The following ANKAR variants were observed in gnomAD, a reference collection of about 807,000 sequenced individuals.
ANKAR encodes ankyrin and armadillo repeat-containing protein.
In ANKAR, 136 loss-of-function variants were observed where a neutral mutation model predicts 146.2. The observed-to-expected ratio is 0.93, with a 90% CI of 0.81 to 1.07. The LOEUF (loss-of-function observed/expected upper bound fraction) is 1.07, where lower values mean the gene tolerates loss of function less well. Among genes scored for constraint, ANKAR ranks in the 50% least tolerant of loss-of-function variants. The pLI is 0.00. For synonymous variants in ANKAR, 500 were observed against 575.8 expected (o/e 0.87, Z 1.88); for missense variants, 1,567 against 1,679.9 (o/e 0.93, Z 1.18).
intron 7 of ANKAR, among the ~76,000 whole-genome samples, chr2:189,703,542 G>T (rs1439570904): frequency 6.6e-6 from 1 of 152,090 alleles, no homozygotes; most frequent in Non-Finnish European, 1.5e-5. Context: ...AGTTTGAGGG[G>T]ATGTGTGAAG....
chr2:189,745,701 C>T (rs2044056908), intron 22 of ANKAR, among the ~76,000 whole-genome samples: 1 of 152,004 alleles, frequency 6.6e-6, no homozygotes, highest in African/African-American at 2.4e-5. Context: ...AGGATAGAAA[C>T]ATTCAGAAGT....
intron 5 of ANKAR, 73 bp from the exon 6 acceptor site, chr2:189,694,908 G>C: frequency 2.0e-6 from 2 of 978,168 alleles, no homozygotes; most frequent in Non-Finnish European, 2.8e-6. Context: ...TAAAAGTTTT[G>C]CCAGCATAGA....
At chr2:189,685,263 G>A (rs1211888194) in intron 2 of ANKAR, among the ~76,000 whole-genome samples, 1 of 149,572 alleles carries the variant, frequency 6.7e-6, no homozygotes. Context: ...TTTTGCTTCT[G>A]GTCCTTGATT....
At chr2:189,762,748 C>T, downstream of ANKAR, 2 of 985,512 alleles carry the variant, frequency 2.0e-6, no homozygotes, top group Non-Finnish European at 2.4e-6. Flanking sequence ...GTCGACTGCC[C>T]TTATCGCTGC....
intron 18 of ANKAR, chr2:189,754,858 T>G: frequency 3.0e-6 from 1 of 328,946 alleles, no homozygotes; most frequent in Non-Finnish European, 5.5e-6. Flanking sequence ...TCTCTTATTT[T>G]ACCTTTTTTG....
intron 18 of ANKAR, among the ~76,000 whole-genome samples, chr2:189,759,673 C>T (rs1036529158): frequency 6.6e-6 from 1 of 152,164 alleles, no homozygotes; most frequent in African/African-American, 2.4e-5. Flanking sequence ...TCCAAAATAC[C>T]AGGCTTTTTC....
At chr2:189,762,964 G>C (rs1339874981), downstream of ANKAR, 1 of 985,274 alleles carries the variant, frequency 1.0e-6, no homozygotes, top group Non-Finnish European at 1.2e-6. Flanking sequence ...TACACAGCTA[G>C]TGACTGATCC....
chr2:189,711,816 G>A (rs1213636397), intron 10 of ANKAR, among the ~76,000 whole-genome samples: 2 of 152,252 alleles, frequency 1.3e-5, no homozygotes, highest in Non-Finnish European at 2.9e-5. Flanking sequence ...AAGCACAAGG[G>A]GTTGGGGGAT....
intron 21 of ANKAR, among the ~76,000 whole-genome samples, chr2:189,744,442 T>C (rs569422930): frequency 2.8e-4 from 43 of 152,356 alleles, no homozygotes; most frequent in African/African-American, 9.6e-4. Flanking sequence ...TAGAAAAATA[T>C]ACCCCTTTCT....
chr2:189,752,656 G>A, intron 18 of ANKAR: 4 of 1,613,512 alleles, frequency 2.5e-6, no homozygotes, highest in Non-Finnish European at 3.4e-6. Context: ...CACATACTTT[G>A]GTTCATAGCG....
At chr2:189,690,929 A>G (rs935456313) in intron 3 of ANKAR, among the ~76,000 whole-genome samples, 7 of 152,180 alleles carry the variant, frequency 4.6e-5, no homozygotes, top group African/African-American at 1.4e-4. Context: ...TGTATAGTGT[A>G]TATTATTATT....
chr2:189,698,755 C>G (rs2037623565), intron 7 of ANKAR, among the ~76,000 whole-genome samples: 2 of 152,170 alleles, frequency 1.3e-5, no homozygotes, highest in Non-Finnish European at 1.5e-5. Flanking sequence ...CTCCTCCAAT[C>G]TCCTGCCAGA....
chr2:189,704,351 G>A (rs2038530998), intron 7 of ANKAR, among the ~76,000 whole-genome samples: 1 of 150,238 alleles, frequency 6.7e-6, no homozygotes, highest in African/African-American at 2.4e-5. Context: ...CACCATGTTG[G>A]CCAGGCTGGT....
In ANKAR at chr2:189,695,078, C is replaced by T. The variant is rs1419187577; in HGVS notation, c.1405C>T (p.Leu469=). 6.2e-7 allele frequency: 1 copy of T among 1,612,832 alleles called. No homozygotes were observed. The highest frequency in any genetic ancestry group is 8.5e-7 in the Non-Finnish European group (1 of 1,179,440). ...AAATGAAATAGTGAACAATCTGAGACTGAAAAGACTTCCACTGACAGATGC... is the reference window on the plus strand; with the variant it reads ...AAATGAAATAGTGAACAATCTGAGATTGAAAAGACTTCCACTGACAGATGC... ...AINEIVNNLR[L]KRLPLTDAQL... is the part of the protein sequence containing the mutation. Residue 469 remains leucine (L), a synonymous_variant, in exon 6 of 23, where the codon CTG becomes TTG. Transcript: ENST00000684021.
intron 17 of ANKAR, among the ~76,000 whole-genome samples, chr2:189,736,330 A>G (rs1464581961): frequency 6.6e-6 from 1 of 152,166 alleles, no homozygotes; most frequent in Admixed American, 6.6e-5. Context: ...TCTGACCTTG[A>G]TACACAAAGC....
intron 18 of ANKAR, among the ~76,000 whole-genome samples, chr2:189,753,473 A>G (rs1559165283): frequency 6.6e-6 from 1 of 152,144 alleles, no homozygotes; most frequent in Non-Finnish European, 1.5e-5. Flanking sequence ...TGGCTGGTAC[A>G]ATATAGTGGA....
intron 7 of ANKAR, among the ~76,000 whole-genome samples, chr2:189,702,833 T>C (rs1273596224): frequency 6.6e-6 from 1 of 152,150 alleles, no homozygotes; most frequent in Non-Finnish European, 1.5e-5. Flanking sequence ...AGGAAATATC[T>C]TTTAAACTGA....
chr2:189,685,960 C>T (rs1365942181), intron 2 of ANKAR, among the ~76,000 whole-genome samples: 1 of 152,138 alleles, frequency 6.6e-6, no homozygotes, highest in Non-Finnish European at 1.5e-5. Flanking sequence ...ATTCTTGCAC[C>T]ATGGCCTGTC....
intron 4 of ANKAR, 78 bp from the exon 5 acceptor site, chr2:189,692,996 C>G (rs540969145): frequency 6.7e-6 from 5 of 748,556 alleles, no homozygotes; most frequent in Non-Finnish European, 1.0e-5. Flanking sequence ...TACATGTATA[C>G]TCTTTCATAC....
Sources: gnomAD v4.1 joint callset for allele counts (sites outside exome capture counted in the v4.1 genomes callset) on GRCh38, gnomAD v4.1.1 for gene constraint, MANE v1.5 for transcripts, NCBI Gene and HGNC (gene_info 2026-07-23, HGNC 2026-07-21) for gene names.